Variants in ARHGAP24 observed in about 807,000 individuals in gnomAD.
The protein encoded by ARHGAP24 is rho GTPase-activating protein 24.
In ARHGAP24, 50 loss-of-function variants were observed where a neutral mutation model predicts 76.4. The observed-to-expected ratio is 0.65, with a 90% CI of 0.52 to 0.83. The LOEUF (loss-of-function observed/expected upper bound fraction) is 0.83. ARHGAP24 is among the 40% of genes least tolerant of loss of function. The pLI is 0.00. For synonymous variants in ARHGAP24, 345 were observed against 323.3 expected (o/e 1.07, Z -0.72); for missense variants, 930 against 914.2 (o/e 1.02, Z -0.22).
At chr4:85,717,301 T>C (rs1459561708) in intron 2 of ARHGAP24, among the ~76,000 whole-genome samples, 2 of 152,138 alleles carry the variant, frequency 1.3e-5, no homozygotes, top group African/African-American at 2.4e-5. Context: ...TAACAATATA[T>C]AATAATGCAT....
intron 2 of ARHGAP24, among the ~76,000 whole-genome samples, chr4:85,687,842 G>C (rs1330774465): frequency 6.6e-6 from 1 of 150,730 alleles, no homozygotes; most frequent in South Asian, 2.1e-4. Flanking sequence ...ACAGAGTTTT[G>C]CTTTTATTGC....
intron 3 of ARHGAP24, among the ~76,000 whole-genome samples, chr4:85,906,104 A>G (rs755451437): frequency 4.9e-4 from 75 of 152,348 alleles, no homozygotes; most frequent in Non-Finnish European, 9.0e-4. Context: ...GCAGACACTT[A>G]TTAAAATTTT....
At chr4:85,840,657 T>C (rs1334532644) in intron 3 of ARHGAP24, among the ~76,000 whole-genome samples, 1 of 152,234 alleles carries the variant, frequency 6.6e-6, no homozygotes, top group Non-Finnish European at 1.5e-5. Flanking sequence ...GTGTGAATAC[T>C]TTTAGAGATA....
chr4:85,551,446 AT>A (rs1451481364), intron 1 of ARHGAP24, among the ~76,000 whole-genome samples: 1 of 152,074 alleles, frequency 6.6e-6, no homozygotes, highest in African/African-American at 2.4e-5. Flanking sequence ...TCTGTTGAGG[AT>A]TTTTGCATCT....
At chr4:85,484,130 T>C (rs893164848) in intron 1 of ARHGAP24, among the ~76,000 whole-genome samples, 5 of 152,208 alleles carry the variant, frequency 3.3e-5, no homozygotes, top group African/African-American at 1.2e-4. Flanking sequence ...CATCTACTCA[T>C]AGTGCAGCTG....
At chr4:85,624,390 A>T (rs1177451424) in intron 2 of ARHGAP24, among the ~76,000 whole-genome samples, 1 of 152,098 alleles carries the variant, frequency 6.6e-6, no homozygotes, top group Non-Finnish European at 1.5e-5. Context: ...GATTACATTT[A>T]TTGATTTGTG....
chr4:85,942,022 A>G (rs1199748879), intron 4 of ARHGAP24, 44 bp from the exon 5 acceptor site: 2 of 1,582,732 alleles, frequency 1.3e-6, no homozygotes, highest in African/African-American at 2.7e-5. Flanking sequence ...ACAAAGTGGG[A>G]AGAGATAAAT....
intron 3 of ARHGAP24, among the ~76,000 whole-genome samples, chr4:85,867,505 C>T (rs924975013): frequency 6.6e-6 from 1 of 152,028 alleles, no homozygotes; most frequent in African/African-American, 2.4e-5. Flanking sequence ...CAATAATAAA[C>T]ATATGATTTA....
intron 3 of ARHGAP24, among the ~76,000 whole-genome samples, chr4:85,906,508 G>A (rs1734774529): frequency 6.6e-6 from 1 of 152,082 alleles, no homozygotes; most frequent in Admixed American, 6.6e-5. Context: ...GTTTTTTAAT[G>A]TTATAAAAAT....
intron 5 of ARHGAP24, among the ~76,000 whole-genome samples, chr4:85,945,817 A>G (rs1036847497): frequency 2.0e-5 from 3 of 151,840 alleles, no homozygotes; most frequent in Non-Finnish European, 2.9e-5. Context: ...ATTACTAGAG[A>G]CCTTAATATT....
At chr4:85,488,332 A>G (rs1420692484) in intron 1 of ARHGAP24, among the ~76,000 whole-genome samples, 1 of 152,130 alleles carries the variant, frequency 6.6e-6, no homozygotes, top group East Asian at 1.9e-4. Flanking sequence ...GAAAGTTTAG[A>G]TTAGAGGAGA....
At chr4:85,977,043 C>G (rs1739380956) in intron 7 of ARHGAP24, among the ~76,000 whole-genome samples, 1 of 152,086 alleles carries the variant, frequency 6.6e-6, no homozygotes, top group African/African-American at 2.4e-5. Flanking sequence ...CTGCCTTGGC[C>G]TCCCAAAGTG....
chr4:85,885,201 T>G (rs1733490256), intron 3 of ARHGAP24, among the ~76,000 whole-genome samples: 1 of 152,160 alleles, frequency 6.6e-6, no homozygotes, highest in Non-Finnish European at 1.5e-5. Context: ...ATGTAAAGTT[T>G]AATATTTACA....
chr4:85,564,695 T>A (rs745577647), intron 1 of ARHGAP24, among the ~76,000 whole-genome samples: 17 of 151,414 alleles, frequency 1.1e-4, no homozygotes, highest in Non-Finnish European at 1.3e-4. Context: ...TAGATTCTCA[T>A]AAGGAGCGCA....
At chr4:85,527,350 A>G (rs533498247) in intron 1 of ARHGAP24, among the ~76,000 whole-genome samples, 3 of 152,270 alleles carry the variant, frequency 2.0e-5, no homozygotes, top group African/African-American at 7.2e-5. Flanking sequence ...TGTCAAACAC[A>G]TAGGTAGATT....
chr4:85,856,601 G>A (rs182128082), intron 3 of ARHGAP24, among the ~76,000 whole-genome samples: 33 of 150,772 alleles, frequency 2.2e-4, no homozygotes, highest in Non-Finnish European at 4.3e-4. Context: ...CTCCCAAGTA[G>A]CTGAGATTAC....
intron 3 of ARHGAP24, among the ~76,000 whole-genome samples, chr4:85,891,477 T>G (rs1365414407): frequency 1.1e-5 from 1 of 90,078 alleles, no homozygotes; most frequent in Non-Finnish European, 2.2e-5. Context: ...GCCCATTCAG[T>G]ATGATATTGG....
rs1560701816 is a variant in ARHGAP24 at position 85,895,000 on chromosome 4, GCAAAAAAAAAAAAAAAAA to G, written c.269-28647_269-28630del. Among the ~76,000 whole-genome samples the G allele has an allele frequency of 6.3e-4, 30 of 47,992 alleles. 1 individual carries two copies. Among genetic ancestry groups the G allele is most frequent in the Admixed American group, 5.3e-3 (29 of 5,492 alleles). The allele number at this position is 47,992 out of a possible 152,430, so 31.5% of individuals were successfully genotyped here. A position where few individuals can be genotyped will look rare whatever the true frequency, so the allele number is the denominator to read the frequency against. On this transcript the variant is annotated intron_variant, in intron 3 of 9. Transcript: ENST00000395184. ...AAAAAAAAAAAAAACAAAACAAAAA[GCAAAAAAAAAAAAAAAAA>G]AAAGAAAAGAAAAGCAGGATTTTGG...
At chr4:85,753,451 C>T (rs567149987) in intron 3 of ARHGAP24, among the ~76,000 whole-genome samples, 1 of 152,274 alleles carries the variant, frequency 6.6e-6, no homozygotes, top group South Asian at 2.1e-4. Context: ...ACACATCAAA[C>T]TATAATAAGA....
Sources: gnomAD v4.1 joint callset for allele counts (sites outside exome capture counted in the v4.1 genomes callset) on GRCh38, gnomAD v4.1.1 for gene constraint, MANE v1.5 for transcripts, NCBI Gene and HGNC (gene_info 2026-07-23, HGNC 2026-07-21) for gene names.